Variants in ACSM3 observed in about 807,000 individuals in gnomAD.
ACSM3 encodes acyl-coenzyme A synthetase ACSM3, mitochondrial.
ACSM3 carries 61 observed loss-of-function variants against 74.1 expected under a neutral mutation model. That is an observed-to-expected ratio of 0.82 (90% confidence interval 0.67 to 1.02). The LOEUF is 1.02. Among genes scored for constraint, ACSM3 ranks in the 50% least tolerant of loss-of-function variants. ACSM3 has a pLI of 0.00. For synonymous variants in ACSM3, 213 were observed against 241.5 expected (o/e 0.88, Z 1.09); for missense variants, 660 against 697.0 (o/e 0.95, Z 0.60).
At chr16:20,793,736 C>G (rs1406075411) in intron 12 of ACSM3, among the ~76,000 whole-genome samples, 2 of 152,176 alleles carry the variant, frequency 1.3e-5, no homozygotes, top group South Asian at 2.1e-4. Context: ...GGAAAACAGT[C>G]AGTGATTATT....
chr16:20,723,626 G>A (rs1243062813), intron 1 of ACSM3, among the ~76,000 whole-genome samples: 2 of 152,174 alleles, frequency 1.3e-5, no homozygotes, highest in Non-Finnish European at 2.9e-5. Context: ...GCAGTTCTCT[G>A]ATGGCCAGTG....
chr16:20,701,228 T>C (rs911433359), intron 1 of ACSM3, among the ~76,000 whole-genome samples: 2 of 152,202 alleles, frequency 1.3e-5, no homozygotes, highest in African/African-American at 4.8e-5. Context: ...TAGTTTTTCC[T>C]GCTTATAGGC....
At chr16:20,747,778 A>G (rs2079963969) in intron 1 of ACSM3, among the ~76,000 whole-genome samples, 1 of 152,218 alleles carries the variant, frequency 6.6e-6, no homozygotes. Flanking sequence ...TATTCCACCA[A>G]TGCAGAACAC....
chr16:20,711,323 A>G (rs2152377236), intron 1 of ACSM3: 1 of 316,010 alleles, frequency 3.2e-6, no homozygotes, highest in African/African-American at 2.2e-5. Context: ...CAGGGATCAG[A>G]GTCTTGTACA....
In ACSM3 at chr16:20,780,809, C is replaced by A. The variant is rs752931707; in HGVS notation, c.734C>A (p.Thr245Asn). 24 of 1,614,112 alleles carry A rather than the reference C, an allele frequency of 1.5e-5. No homozygotes were observed. Among genetic ancestry groups the A allele is most frequent in the Non-Finnish European group, 1.7e-5 (20 of 1,180,054 alleles). Reference protein sequence around the residue: ...TSGTSGYPKMTAHTHSSFGLG... With the variant: ...TSGTSGYPKMNAHTHSSFGLG... ...GGAACAAGTGGATATCCGAAAATGA[C>A]TGCACACACCCACAGCAGTTTTGGT... The change falls in exon 5 of 14, where the codon ACT becomes AAT. Residue 245 changes from threonine to asparagine, a missense_variant. Transcript: ENST00000289416.
chr16:20,786,874 C>CA (rs745659711), intron 9 of ACSM3, among the ~76,000 whole-genome samples: 1 of 152,210 alleles, frequency 6.6e-6, no homozygotes, highest in Non-Finnish European at 1.5e-5. Context: ...TTAACCACAA[C>CA]ACAACACTGG....
At chr16:20,775,440 G>T (rs369109362) in intron 2 of ACSM3, among the ~76,000 whole-genome samples, 1 of 152,268 alleles carries the variant, frequency 6.6e-6, no homozygotes, top group South Asian at 2.1e-4. Context: ...TACTGCTGAG[G>T]ATCTTCCACT....
chr16:20,750,844 GTTTTTTTT>G (rs59655300), intron 2 of ACSM3, among the ~76,000 whole-genome samples: 1 of 115,350 alleles, frequency 8.7e-6, no homozygotes, highest in Non-Finnish European at 1.7e-5. Context: ...TTGGAGTCAG[GTTTTTTTT>G]TTTTTTTTTT....
chr16:20,780,473 TA>T, intron 4 of ACSM3: 1 of 733,758 alleles, frequency 1.4e-6, no homozygotes, highest in Non-Finnish European at 2.2e-6. Context: ...TATCATAGAA[TA>T]AAAAGCTAGG....
intron 12 of ACSM3, 159 bp from the exon 13 acceptor site, chr16:20,796,211 G>C (rs2080719784): frequency 1.6e-6 from 2 of 1,265,856 alleles, no homozygotes; most frequent in Non-Finnish European, 2.1e-6. Flanking sequence ...TACAGACCAG[G>C]AAGTGGCTGG....
chr16:20,751,713 A>G (rs1362666319), intron 2 of ACSM3, among the ~76,000 whole-genome samples: 1 of 152,176 alleles, frequency 6.6e-6, no homozygotes, highest in African/African-American at 2.4e-5. Context: ...AGGAATGGAA[A>G]GATGGGGTTT....
intron 1 of ACSM3, chr16:20,737,615 AAT>A: frequency 7.6e-7 from 1 of 1,307,318 alleles, no homozygotes; most frequent in Non-Finnish European, 1.0e-6. Context: ...TACACTCAAA[AAT>A]GTAAGCCTTA....
intron 1 of ACSM3, among the ~76,000 whole-genome samples, chr16:20,716,943 TCTTTGGATTTA>T (rs2079763990): frequency 6.6e-6 from 1 of 152,224 alleles, no homozygotes; most frequent in African/African-American, 2.4e-5. Flanking sequence ...AGTTAGAATG[TCTTTGGATTTA>T]GTAACCCAAA....
intron 1 of ACSM3, among the ~76,000 whole-genome samples, chr16:20,689,580 T>C (rs1471366626): frequency 2.0e-5 from 3 of 152,346 alleles, no homozygotes; most frequent in Admixed American, 6.5e-5. Flanking sequence ...TTCTATGTGA[T>C]TGAATATGAT....
intron 1 of ACSM3, chr16:20,741,770 G>A: frequency 1.3e-6 from 2 of 1,552,552 alleles, no homozygotes; most frequent in African/African-American, 1.4e-5. Flanking sequence ...AAAGAGAAAC[G>A]TTTCTCCGCT....
At chr16:20,710,757 T>A (rs2079741406) in intron 1 of ACSM3, among the ~76,000 whole-genome samples, 1 of 152,150 alleles carries the variant, frequency 6.6e-6, no homozygotes, top group African/African-American at 2.4e-5. Flanking sequence ...ATGAAATGTG[T>A]TATAAGCTGT....
At chr16:20,709,769 A>G (rs2079738706) in intron 1 of ACSM3, among the ~76,000 whole-genome samples, 1 of 152,222 alleles carries the variant, frequency 6.6e-6, no homozygotes, top group African/African-American at 2.4e-5. Context: ...CTAGGAATTC[A>G]ACTCCACATT....
rs546372910 is a variant in ACSM3, at chr16:20,745,313, C to T, written c.-189-4597C>T. ...AGAAGGGACCACTTGGGGCCAGGCA[C>T]GGTGGCTCACGCTTGTAATCCCAGC... On this transcript the variant is annotated intron_variant, in intron 1 of 3. Coordinates refer to the ACSM3 transcript ENST00000561584. Among the ~76,000 whole-genome samples the T allele has an allele frequency of 7.2e-5, 11 of 152,184 alleles. No individual in the cohort carries two copies. The East Asian group carries it at 1.7e-3, about 24-fold the overall frequency.
At position 20,691,199 on chromosome 16, in the gene ACSM3, T is replaced by C. The variant is rs200267117; in HGVS notation, c.-190+16377T>C. 15 of 1,555,000 alleles carry C rather than the reference T, an allele frequency of 9.6e-6. No individual in the cohort carries two copies. In the South Asian group the frequency reaches 1.7e-4, roughly 18 times the overall value. ...CATTAGCCACTGCATGGTGAAACAGTCCTCAGAAACCAGGCACAGAGTTCT... is the reference window on the plus strand; with the variant it reads ...CATTAGCCACTGCATGGTGAAACAGCCCTCAGAAACCAGGCACAGAGTTCT... On this transcript the variant is annotated intron_variant, in intron 1 of 3. Transcript: ENST00000561584.
Sources: gnomAD v4.1 joint callset for allele counts (sites outside exome capture counted in the v4.1 genomes callset) on GRCh38, gnomAD v4.1.1 for gene constraint, MANE v1.5 for transcripts, NCBI Gene and HGNC (gene_info 2026-07-23, HGNC 2026-07-21) for gene names.